The following PIK3AP1 variants were observed in gnomAD, a reference collection of about 807,000 sequenced individuals.
PIK3AP1 encodes the protein phosphoinositide-3-kinase adaptor protein 1.
In PIK3AP1, 21 loss-of-function variants were observed where a neutral mutation model predicts 88.1. The observed-to-expected ratio is 0.24, with a 90% CI of 0.17 to 0.34. PIK3AP1 has a LOEUF of 0.34. Ranked by LOEUF, PIK3AP1 falls within the 10% of genes least tolerant of loss-of-function variation. The pLI is 1.00. For missense variants in PIK3AP1, 828 were observed against 1,035.7 expected (o/e 0.80, Z 2.75); for synonymous variants, 398 against 400.0 (o/e 1.00, Z 0.06).
chr10:96,653,635 C>T (rs1430994171), intron 3 of PIK3AP1, among the ~76,000 whole-genome samples: 1 of 151,514 alleles, frequency 6.6e-6, no homozygotes, highest in Non-Finnish European at 1.5e-5. Flanking sequence ...TTACAGACAC[C>T]TGCCACCACA....
intron 2 of PIK3AP1, among the ~76,000 whole-genome samples, chr10:96,676,117 C>T (rs1843915500): frequency 6.6e-6 from 1 of 152,158 alleles, no homozygotes; most frequent in South Asian, 2.1e-4. Context: ...CCGTGGTTCA[C>T]TGGCAGTGTC....
chr10:96,661,225 T>C (rs1215151521), intron 2 of PIK3AP1, among the ~76,000 whole-genome samples: 5 of 151,390 alleles, frequency 3.3e-5, no homozygotes, highest in African/African-American at 1.2e-4. Flanking sequence ...ACTGTAGGAT[T>C]CCAACTATAT....
In PIK3AP1 at chr10:96,712,997, G is replaced by T. The variant is rs1219381102; in HGVS notation, c.14-3014C>A. Among the ~76,000 whole-genome samples the T allele has an allele frequency of 2.0e-5, 3 of 152,310 alleles. No individual in the cohort carries two copies. In the East Asian group the frequency reaches 5.8e-4, roughly 29 times the overall value. ...AACCATAAGTAGTGTTTTCAATAGGGTTGGCAAGTGATGGCAAAAAAGTGA... is the reference window on the plus strand; with the variant it reads ...AACCATAAGTAGTGTTTTCAATAGGTTTGGCAAGTGATGGCAAAAAAGTGA... On this transcript the variant is annotated intron_variant, in intron 1 of 16. Transcript: ENST00000339364.
intron 2 of PIK3AP1, among the ~76,000 whole-genome samples, chr10:96,682,079 C>T (rs1844010533): frequency 6.6e-6 from 1 of 151,384 alleles, no homozygotes; most frequent in African/African-American, 2.4e-5. Flanking sequence ...CACACAAATA[C>T]TAGAGAATGA....
At chr10:96,710,045 A>G in intron 1 of PIK3AP1, 62 bp from the exon 2 acceptor site, 1 of 1,492,676 alleles carries the variant, frequency 6.7e-7, no homozygotes, top group Non-Finnish European at 9.0e-7. Context: ...GGCTCCCCAC[A>G]GCCTGCAAAG....
intron 8 of PIK3AP1, among the ~76,000 whole-genome samples, chr10:96,643,105 G>A (rs778926802): frequency 6.6e-5 from 10 of 152,172 alleles, no homozygotes; most frequent in Admixed American, 1.3e-4. Flanking sequence ...AAATGTACTA[G>A]ATGCTCCAGA....
rs1843764756 is a variant in PIK3AP1 at position 96,666,486 on chromosome 10, T to C, written c.431-9552A>G. Among the ~76,000 whole-genome samples, 5 of 152,132 alleles carry C rather than the reference T, an allele frequency of 3.3e-5. No individual in the cohort carries two copies. The South Asian group carries it at 1.0e-3, about 31-fold the overall frequency. On this transcript the variant is annotated intron_variant, in intron 2 of 16. Coordinates refer to ENST00000339364, the MANE Select transcript of PIK3AP1 (RefSeq NM_152309.3). The stretch of plus-strand genomic sequence containing the variant: ...TTTAAACAACATCAAAATCATTAAT[T>C]AGTCGACACTAAAGCTTCATAATAT...
intron 2 of PIK3AP1, among the ~76,000 whole-genome samples, chr10:96,702,515 A>T (rs1844311154): frequency 6.6e-6 from 1 of 150,816 alleles, no homozygotes; most frequent in Non-Finnish European, 1.5e-5. Flanking sequence ...AAAAAAAAAG[A>T]ATAAACTCTG....
At chr10:96,644,791 A>T (rs376454688) in intron 8 of PIK3AP1, among the ~76,000 whole-genome samples, 1 of 152,200 alleles carries the variant, frequency 6.6e-6, no homozygotes, top group African/African-American at 2.4e-5. Context: ...ACATATAAAC[A>T]CATCTTATTT....
intron 2 of PIK3AP1, among the ~76,000 whole-genome samples, chr10:96,694,523 T>C (rs1589542386): frequency 1.6e-5 from 2 of 124,686 alleles, no homozygotes; most frequent in Admixed American, 8.3e-5. Context: ...GCTTCCCTTC[T>C]CTCCCTCCTT....
At chr10:96,711,976 G>C (rs939226822) in intron 1 of PIK3AP1, among the ~76,000 whole-genome samples, 2 of 151,114 alleles carry the variant, frequency 1.3e-5, no homozygotes, top group Admixed American at 6.6e-5. Flanking sequence ...GGATGGTCTC[G>C]ATCTCCTGAC....
At chr10:96,673,297 G>A (rs1219694563) in intron 2 of PIK3AP1, among the ~76,000 whole-genome samples, 1 of 152,160 alleles carries the variant, frequency 6.6e-6, no homozygotes, top group Non-Finnish European at 1.5e-5. Context: ...CATCTACCAT[G>A]CACAGGCAAC....
chr10:96,599,096 C>T (rs1183156720), intron 16 of PIK3AP1, among the ~76,000 whole-genome samples: 1 of 152,116 alleles, frequency 6.6e-6, no homozygotes, highest in Non-Finnish European at 1.5e-5. Flanking sequence ...TGAACTTAGG[C>T]ACTAGCAGAT....
chr10:96,683,353 CTA>C (rs1193362354), intron 2 of PIK3AP1, among the ~76,000 whole-genome samples: 1 of 152,150 alleles, frequency 6.6e-6, no homozygotes, highest in Non-Finnish European at 1.5e-5. Context: ...TTCAAGGAGT[CTA>C]AATGTTTCTC....
Position 96,720,304 on chromosome 10 carries a change from G to C in PIK3AP1, c.13+78C>G, listed in dbSNP as rs886240699. ...ACAGAGGACGCAAACAGAAGCAAGC[G>C]GGGGAGCGCGCCTCAAGGGATGCGG... is the stretch of plus-strand genomic sequence containing the variant. On this transcript the variant is annotated intron_variant, in intron 1 of 16. Transcript: ENST00000339364. This position sits in a 1 kb window ranked among gnomAD's most constrained non-coding sequence, Gnocchi z 4.6. The C allele has an allele frequency of 2.5e-6, 3 of 1,220,248 alleles. No homozygotes were observed. Among genetic ancestry groups the C allele is most frequent in the African/African-American group, 1.6e-5 (1 of 63,910 alleles). 75.6% of individuals were successfully genotyped at this position (1,220,248 alleles called of 1,614,324 possible). A position where few individuals can be genotyped will look rare whatever the true frequency, so the allele number is the denominator to read the frequency against.
At chr10:96,612,399 C>T (rs1300241874) in intron 13 of PIK3AP1, among the ~76,000 whole-genome samples, 1 of 152,086 alleles carries the variant, frequency 6.6e-6, no homozygotes, top group African/African-American at 2.4e-5. Context: ...GGCATTCTAA[C>T]CCAAATTAAA....
intron 1 of PIK3AP1, among the ~76,000 whole-genome samples, chr10:96,717,131 A>G (rs1370014781): frequency 6.6e-6 from 1 of 151,840 alleles, no homozygotes; most frequent in African/African-American, 2.4e-5. Flanking sequence ...GGTGGTGGGC[A>G]CCTGTAATCC....
At chr10:96,671,510 C>T (rs970056350) in intron 2 of PIK3AP1, among the ~76,000 whole-genome samples, 2 of 151,756 alleles carry the variant, frequency 1.3e-5, no homozygotes, top group African/African-American at 4.8e-5. Flanking sequence ...AAGTCACATA[C>T]AGTCATCATA....
intron 8 of PIK3AP1, among the ~76,000 whole-genome samples, chr10:96,641,123 G>A (rs1843382534): frequency 1.6e-5 from 2 of 122,666 alleles, no homozygotes; most frequent in African/African-American, 2.6e-5. Flanking sequence ...GTGTGTGTGT[G>A]TGCGTGTGCA....
Sources: allele counts gnomAD v4.1 joint callset (sites outside exome capture counted in the v4.1 genomes callset), GRCh38; gene constraint gnomAD v4.1.1; non-coding constraint Gnocchi (gnomAD v3.1); transcripts MANE v1.5; gene names NCBI Gene and HGNC (gene_info 2026-07-23, HGNC 2026-07-21).